Variants in MTUS2 observed in about 807,000 individuals in gnomAD.
MTUS2 encodes microtubule associated scaffold protein 2, also known as microtubule-associated tumor suppressor candidate 2.
A neutral mutation model predicts 114.1 loss-of-function variants in MTUS2; 40 were observed. That is an observed-to-expected ratio of 0.35 (90% confidence interval 0.27 to 0.46). The LOEUF (loss-of-function observed/expected upper bound fraction) is 0.46, where lower values mean the gene tolerates loss of function less well. MTUS2 is among the 20% of genes least tolerant of loss of function. The pLI, the probability that MTUS2 is intolerant of heterozygous loss-of-function variation, is 1.00. For synonymous variants in MTUS2, 688 were observed against 672.0 expected (o/e 1.02, Z -0.37); for missense variants, 1,679 against 1,705.4 (o/e 0.98, Z 0.27).
intron 4 of MTUS2, among the ~76,000 whole-genome samples, chr13:29,047,415 C>T (rs1887675552): frequency 6.6e-6 from 1 of 152,004 alleles, no homozygotes; most frequent in Non-Finnish European, 1.5e-5. Context: ...GATAAAATGC[C>T]AGCCAAATAT....
rs59288953 is a variant in MTUS2, at chr13:29,031,237, G to GGTGT, written c.2206-2618_2206-2615dup. ...GTTTGCCAGACAAATAGAACTAATA[G>GGTGT]GTGTGTGTGTGTGTGTGTGTGTGTG... is the stretch of plus-strand genomic sequence containing the variant. On this transcript the variant is annotated intron_variant, in intron 3 of 15. Coordinates refer to ENST00000612955, the MANE Select transcript of MTUS2 (RefSeq NM_001033602.4). Among the ~76,000 whole-genome samples, 784 of 122,954 alleles carry GGTGT rather than the reference G, an allele frequency of 6.4e-3. 15 individuals carry two copies. The highest frequency in any genetic ancestry group is 0.044 in the South Asian group (146 of 3,288). The allele number at this position is 122,954 out of a possible 152,430, so 80.7% of individuals were successfully genotyped here. A position where few individuals can be genotyped will look rare whatever the true frequency, so the allele number is the denominator to read the frequency against.
intron 2 of MTUS2, among the ~76,000 whole-genome samples, chr13:28,913,802 T>G (rs946972504): frequency 6.6e-6 from 1 of 152,114 alleles, no homozygotes; most frequent in African/African-American, 2.4e-5. Context: ...GAACTCATTA[T>G]TGGTCTATTC....
At chr13:28,892,230 C>T (rs1387798551) in intron 2 of MTUS2, among the ~76,000 whole-genome samples, 1 of 152,116 alleles carries the variant, frequency 6.6e-6, no homozygotes, top group Non-Finnish European at 1.5e-5. Flanking sequence ...ATAGTGAATG[C>T]GTGGGATGTA....
At chr13:29,089,398 T>C (rs1889839549) in intron 4 of MTUS2, among the ~76,000 whole-genome samples, 1 of 152,230 alleles carries the variant, frequency 6.6e-6, no homozygotes, top group Admixed American at 6.5e-5. Flanking sequence ...TTTTCTTTCA[T>C]ATTGACCTTG....
chr13:28,820,034 C>G (rs1172985947), upstream of MTUS2, among the ~76,000 whole-genome samples: 2 of 147,116 alleles, frequency 1.4e-5, no homozygotes, highest in Non-Finnish European at 3.0e-5. Flanking sequence ...CTCGGGCCCG[C>G]TCGCCGCCCG....
At chr13:29,147,602 G>C (rs1892491361) in intron 5 of MTUS2, among the ~76,000 whole-genome samples, 1 of 152,066 alleles carries the variant, frequency 6.6e-6, no homozygotes, top group Admixed American at 6.6e-5. Context: ...TCTCCCCGCT[G>C]TACTAGTCCC....
intron 2 of MTUS2, among the ~76,000 whole-genome samples, chr13:28,885,957 TGA>T (rs1470593714): frequency 6.6e-6 from 1 of 152,066 alleles, no homozygotes. Context: ...ACAGGGTGGG[TGA>T]CACTGGGCCA....
At chr13:29,046,562 G>C (rs1887628579) in intron 4 of MTUS2, among the ~76,000 whole-genome samples, 1 of 152,214 alleles carries the variant, frequency 6.6e-6, no homozygotes, top group South Asian at 2.1e-4. Context: ...TTGCCTGCAT[G>C]TGCAAGTGTT....
chr13:29,233,354 G>C lies in MTUS2; in HGVS notation c.2645-48350G>C, dbSNP rs1475683755. Among the ~76,000 whole-genome samples, 4 of 152,136 alleles carry C rather than the reference G, an allele frequency of 2.6e-5. No individual in the cohort carries two copies. In the South Asian group the frequency reaches 6.2e-4, roughly 24 times the overall value. ...GAGAACAGACTTGTGATATCACCAGGGGGGATGATCACACTGACCCCACAG... is the reference window on the plus strand; with the variant it reads ...GAGAACAGACTTGTGATATCACCAGCGGGGATGATCACACTGACCCCACAG... On this transcript the variant is annotated intron_variant, in intron 5 of 15. Transcript: ENST00000612955.
chr13:29,129,560 G>A (rs1039029798), intron 5 of MTUS2, among the ~76,000 whole-genome samples: 2 of 96,824 alleles, frequency 2.1e-5, no homozygotes, highest in African/African-American at 3.6e-5. Context: ...TTTTTACTTT[G>A]TAGTTTTTTT....
At chr13:29,366,501 C>T (rs770682937) in intron 8 of MTUS2, among the ~76,000 whole-genome samples, 8 of 152,202 alleles carry the variant, frequency 5.3e-5, no homozygotes, top group Admixed American at 6.5e-5. Context: ...AGAAAATCAT[C>T]GCCCGCTAGC....
intron 2 of MTUS2, among the ~76,000 whole-genome samples, chr13:28,982,454 A>G (rs1012786785): frequency 6.6e-6 from 1 of 152,236 alleles, no homozygotes; most frequent in Non-Finnish European, 1.5e-5. Flanking sequence ...TGTGGAAAAC[A>G]GTATGGTGGT....
chr13:29,057,491 C>T (rs1313046075), intron 4 of MTUS2, among the ~76,000 whole-genome samples: 1 of 152,146 alleles, frequency 6.6e-6, no homozygotes, highest in Non-Finnish European at 1.5e-5. Context: ...GTGTTGGGTG[C>T]ATATGTATTT....
chr13:29,205,394 T>C (rs1387123778), intron 5 of MTUS2, among the ~76,000 whole-genome samples: 3 of 151,830 alleles, frequency 2.0e-5, no homozygotes, highest in Non-Finnish European at 4.4e-5. Context: ...CATTTCTCTC[T>C]TTTCGCTTTT....
intron 2 of MTUS2, among the ~76,000 whole-genome samples, chr13:29,002,856 G>C (rs1885444551): frequency 6.6e-6 from 1 of 152,182 alleles, no homozygotes; most frequent in African/African-American, 2.4e-5. Flanking sequence ...ATATGCTTCA[G>C]TTGCTAGAAA....
intron 2 of MTUS2, among the ~76,000 whole-genome samples, chr13:28,867,638 T>A (rs1257610312): frequency 6.6e-6 from 1 of 152,250 alleles, no homozygotes; most frequent in Admixed American, 6.5e-5. Flanking sequence ...ATGGGTTTTC[T>A]TCTGTAATAA....
chr13:29,452,574 ATGTGTGTGTGTG>A (rs56367128), intron 9 of MTUS2, among the ~76,000 whole-genome samples: 17 of 130,312 alleles, frequency 1.3e-4, no homozygotes, highest in Middle Eastern at 3.7e-3. Context: ...ATATATATAT[ATGTGTGTGTGTG>A]TGTGTGTGTG....
intron 5 of MTUS2, among the ~76,000 whole-genome samples, chr13:29,113,709 G>A (rs944189353): frequency 1.3e-5 from 2 of 152,024 alleles, no homozygotes; most frequent in African/African-American, 2.4e-5. Context: ...TCTTACAGCA[G>A]CATCTTCAAG....
intron 5 of MTUS2, among the ~76,000 whole-genome samples, chr13:29,162,275 T>A (rs1254157498): frequency 2.0e-5 from 3 of 152,186 alleles, no homozygotes; most frequent in African/African-American, 7.2e-5. Flanking sequence ...TGGGTGAACG[T>A]GAATTTTAGG....
Sources: allele counts gnomAD v4.1 joint callset (sites outside exome capture counted in the v4.1 genomes callset), GRCh38; gene constraint gnomAD v4.1.1; transcripts MANE v1.5; gene names NCBI Gene and HGNC (gene_info 2026-07-23, HGNC 2026-07-21).